STARD13: variants seen among roughly 807,000 people sequenced by gnomAD.
The protein encoded by STARD13 is stAR-related lipid transfer protein 13.
STARD13 carries 62 observed loss-of-function variants against 106.4 expected under a neutral mutation model. The observed-to-expected ratio is 0.58, with a 90% CI of 0.48 to 0.72. The LOEUF is 0.72. Ranked by LOEUF, STARD13 falls within the 30% of genes least tolerant of loss-of-function variation. The probability of loss-of-function intolerance (pLI) is 0.00; values close to 1 mark genes in which losing one functional copy is unlikely to be tolerated. For missense variants in STARD13, 1,387 were observed against 1,424.0 expected (o/e 0.97, Z 0.42); for synonymous variants, 565 against 553.0 (o/e 1.02, Z -0.31).
the STARD13 span, among the ~76,000 whole-genome samples, chr13:33,484,356 T>C: frequency 2.0e-5 from 3 of 152,236 alleles, no homozygotes; most frequent in Non-Finnish European, 4.4e-5. Flanking sequence ...ACATGATTTG[T>C]AACTTCCCCA....
intron 1 of STARD13, among the ~76,000 whole-genome samples, chr13:33,295,829 G>T (rs1892469289): frequency 6.6e-6 from 1 of 152,060 alleles, no homozygotes; most frequent in Non-Finnish European, 1.5e-5. Flanking sequence ...CTATATGGGG[G>T]AAAAGATGCC....
chr13:33,144,379 G>A (rs1459732557), intron 3 of STARD13, among the ~76,000 whole-genome samples: 1 of 152,136 alleles, frequency 6.6e-6, no homozygotes, highest in Non-Finnish European at 1.5e-5. Flanking sequence ...TTGAAGTCTT[G>A]CCTCTCCTTT....
At chr13:33,539,307 A>C in the STARD13 span, among the ~76,000 whole-genome samples, 2 of 152,240 alleles carry the variant, frequency 1.3e-5, no homozygotes, top group Non-Finnish European at 1.5e-5. Context: ...TGGAAAACTC[A>C]GTATTTTTAA....
At chr13:33,628,689 C>G in the STARD13 span, among the ~76,000 whole-genome samples, 1 of 152,204 alleles carries the variant, frequency 6.6e-6, no homozygotes. Context: ...CTCCGTGGCA[C>G]AGCAGATGGG....
rs535711241 is a variant in STARD13 at position 33,235,930 on chromosome 13, G to C, written c.169+49540C>G. On this transcript the variant is annotated intron_variant, in intron 1 of 13. Coordinates refer to ENST00000336934, the MANE Select transcript of STARD13 (RefSeq NM_178006.4). ...ATGTTCCGTTGGTAAATGAACATCA[G>C]GCTAATCTCACAGTTTGAATGAGAA... 5.3e-5 allele frequency among the ~76,000 whole-genome samples: 8 copies of C among 152,302 alleles called. No homozygotes were observed. In the South Asian group the frequency reaches 1.5e-3, roughly 28 times the overall value.
chr13:33,573,556 T>A, the STARD13 span, among the ~76,000 whole-genome samples: 1 of 152,196 alleles, frequency 6.6e-6, no homozygotes, highest in Non-Finnish European at 1.5e-5. Flanking sequence ...CAAAAACACC[T>A]AGTTTTCCTG....
the STARD13 span, among the ~76,000 whole-genome samples, chr13:33,644,749 A>T: frequency 1.3e-5 from 2 of 152,230 alleles, no homozygotes; most frequent in African/African-American, 4.8e-5. Context: ...GTTCCAAAAA[A>T]GCAGAACTAA....
At chr13:33,554,955 G>A in the STARD13 span, among the ~76,000 whole-genome samples, 1 of 152,126 alleles carries the variant, frequency 6.6e-6, no homozygotes, top group African/African-American at 2.4e-5. Flanking sequence ...GTTCATCTGA[G>A]GGCATTTTCG....
At chr13:33,480,659 C>T in the STARD13 span, among the ~76,000 whole-genome samples, 7 of 152,046 alleles carry the variant, frequency 4.6e-5, no homozygotes, top group Non-Finnish European at 8.8e-5. Context: ...TGAATATAAA[C>T]TCATGATTAT....
At chr13:33,603,232 C>A in the STARD13 span, among the ~76,000 whole-genome samples, 1 of 152,172 alleles carries the variant, frequency 6.6e-6, no homozygotes, top group Admixed American at 6.5e-5. Flanking sequence ...GCTATATAAA[C>A]CCCAAGTTTT....
At chr13:33,466,931 T>C in the STARD13 span, among the ~76,000 whole-genome samples, 1 of 152,158 alleles carries the variant, frequency 6.6e-6, no homozygotes, top group Non-Finnish European at 1.5e-5. Flanking sequence ...ATACTTGGCA[T>C]TCTTCCTGAC....
intron 4 of STARD13, among the ~76,000 whole-genome samples, chr13:33,139,162 G>T (rs1879476373): frequency 6.6e-6 from 1 of 152,210 alleles, no homozygotes; most frequent in Non-Finnish European, 1.5e-5. Context: ...TGAGTGTATT[G>T]CTGAGGAAAC....
intron 1 of STARD13, among the ~76,000 whole-genome samples, chr13:33,310,872 G>A (rs1305431555): frequency 1.3e-5 from 2 of 151,970 alleles, no homozygotes; most frequent in African/African-American, 4.8e-5. Context: ...ATCTGGTATG[G>A]CCTATTGCTC....
At chr13:33,301,918 T>G (rs975518387) in intron 1 of STARD13, among the ~76,000 whole-genome samples, 2 of 152,114 alleles carry the variant, frequency 1.3e-5, no homozygotes, top group Non-Finnish European at 2.9e-5. Context: ...CATTTCTTCT[T>G]AAATTTTTCT....
the STARD13 span, among the ~76,000 whole-genome samples, chr13:33,587,146 G>T: frequency 6.6e-6 from 1 of 151,460 alleles, no homozygotes; most frequent in African/African-American, 2.4e-5. Flanking sequence ...AACCTGGGAG[G>T]CAGAGGTTGC....
the STARD13 span, among the ~76,000 whole-genome samples, chr13:33,584,676 A>T: frequency 6.6e-6 from 1 of 152,178 alleles, no homozygotes; most frequent in Non-Finnish European, 1.5e-5. Flanking sequence ...TAGGAATTGT[A>T]TCAAATTAGC....
the STARD13 span, among the ~76,000 whole-genome samples, chr13:33,589,156 T>A: frequency 6.6e-6 from 1 of 152,214 alleles, no homozygotes; most frequent in African/African-American, 2.4e-5. Context: ...CCCTTTATCA[T>A]TTTTTATTGC....
the STARD13 span, among the ~76,000 whole-genome samples, chr13:33,640,106 CT>C: frequency 6.6e-6 from 1 of 152,120 alleles, no homozygotes; most frequent in Admixed American, 6.5e-5. Flanking sequence ...AGATATTCTC[CT>C]TGTGCTTCTG....
the STARD13 span, among the ~76,000 whole-genome samples, chr13:33,629,452 G>A: frequency 2.0e-5 from 3 of 152,188 alleles, no homozygotes; most frequent in African/African-American, 7.2e-5. Context: ...ATTCTAGCTT[G>A]TTTGTTAGAG....
Sources: gnomAD v4.1 joint callset for allele counts (sites outside exome capture counted in the v4.1 genomes callset) on GRCh38, gnomAD v4.1.1 for gene constraint, MANE v1.5 for transcripts, NCBI Gene and HGNC (gene_info 2026-07-23, HGNC 2026-07-21) for gene names.